The following LYG1 variants were observed in gnomAD, a reference collection of about 807,000 sequenced individuals.
LYG1 encodes the protein lysozyme g1, also known as lysozyme g-like protein 1.
A neutral mutation model predicts 21.7 loss-of-function variants in LYG1; 17 were observed. The ratio of observed to expected loss-of-function variants is 0.78; its 90% confidence interval spans 0.54 to 1.18. The LOEUF (loss-of-function observed/expected upper bound fraction) is 1.18, where lower values mean the gene tolerates loss of function less well. Among genes scored for constraint, LYG1 ranks in the 50% most tolerant of loss-of-function variants. The pLI is 0.00. For missense variants in LYG1, 211 were observed against 238.1 expected, an observed-to-expected ratio of 0.89 and a Z score of 0.75; for synonymous variants, 81 against 87.4, an observed-to-expected ratio of 0.93 and a Z score of 0.41.
chr2:99,303,671 G>A (rs1255160365), upstream of LYG1, among the ~76,000 whole-genome samples: 1 of 152,206 alleles, frequency 6.6e-6, no homozygotes, highest in Non-Finnish European at 1.5e-5. Context: ...CTTCACAGAA[G>A]ACCAGAAGAG....
chr2:99,288,792 A>G (rs1359931818), intron 5 of LYG1, among the ~76,000 whole-genome samples: 1 of 151,808 alleles, frequency 6.6e-6, no homozygotes. Flanking sequence ...CTGGTTTCAA[A>G]CTCCTGACCT....
At chr2:99,300,370 C>T (rs926005357) in intron 1 of LYG1, among the ~76,000 whole-genome samples, 2 of 152,078 alleles carry the variant, frequency 1.3e-5, no homozygotes, top group African/African-American at 4.8e-5. Flanking sequence ...TTCCCATTTG[C>T]GTTTTTGAGA....
chr2:99,302,485 C>T (rs1221013983), upstream of LYG1, among the ~76,000 whole-genome samples: 3 of 152,166 alleles, frequency 2.0e-5, no homozygotes, highest in Non-Finnish European at 2.9e-5. Context: ...CCAGGTTAGA[C>T]GTGTGTTCCT....
At chr2:99,295,859 G>A (rs1032233952) in intron 2 of LYG1, among the ~76,000 whole-genome samples, 157 bp from the exon 3 acceptor site, 1 of 151,562 alleles carries the variant, frequency 6.6e-6, no homozygotes, top group Non-Finnish European at 1.5e-5. Flanking sequence ...AAAAGCAAAA[G>A]TAGGACAAGT....
chr2:99,291,246 G>A lies in LYG1; in HGVS notation c.324C>T (p.Ser108=). 6.2e-7 allele frequency: 1 copy of A among 1,614,092 alleles called. No homozygotes were observed. Among genetic ancestry groups the A allele is most frequent in the Non-Finnish European group, 8.5e-7 (1 of 1,179,992 alleles). ...ACGGATGAAGAGTTACCTGCACCAT[G>A]CTAGTCCTATCGCCCATGTTGACCA... ...KILVNMGDRT[S]MVQDPGSQAP... is the part of the protein sequence containing the mutation. The change falls in exon 5 of 7, where the codon AGC becomes AGT. Residue 108 remains serine, a synonymous_variant. Coordinates refer to ENST00000308528, the MANE Select transcript of LYG1 (RefSeq NM_174898.3).
At chr2:99,287,403 A>C (rs1346832034) in intron 5 of LYG1, among the ~76,000 whole-genome samples, 1 of 152,160 alleles carries the variant, frequency 6.6e-6, no homozygotes, top group Non-Finnish European at 1.5e-5. Context: ...GAGGGAGAGG[A>C]TCAGGAAAAA....
intron 2 of LYG1, among the ~76,000 whole-genome samples, chr2:99,296,213 C>T (rs1175327787): frequency 6.6e-6 from 1 of 152,184 alleles, no homozygotes; most frequent in Non-Finnish European, 1.5e-5. Flanking sequence ...ACGTTTCCCA[C>T]TGCTCTAACC....
chr2:99,304,501 T>C (rs1233095480), upstream of LYG1: 1 of 152,518 alleles, frequency 6.6e-6, no homozygotes, highest in Non-Finnish European at 1.5e-5. Context: ...AAAGGAAAGA[T>C]ATTACAGATC....
chr2:99,295,499 G>C, intron 3 of LYG1, 129 bp downstream of exon 3: 1 of 1,152,944 alleles, frequency 8.7e-7, no homozygotes, highest in Non-Finnish European at 1.3e-6. Context: ...CCTAACTCCA[G>C]GATTTGTTGG....
intron 5 of LYG1, among the ~76,000 whole-genome samples, chr2:99,287,740 A>G (rs2094105014): frequency 1.3e-5 from 2 of 152,004 alleles, no homozygotes; most frequent in South Asian, 2.1e-4. Context: ...TTAAATTTCC[A>G]TATGATCAGA....
chr2:99,294,846 G>C (rs1447146895), intron 3 of LYG1, among the ~76,000 whole-genome samples: 1 of 152,090 alleles, frequency 6.6e-6, no homozygotes, highest in African/African-American at 2.4e-5. Context: ...GGGCGCAGTG[G>C]ATCACCCTGT....
At chr2:99,290,221 G>A (rs1311843938) in intron 5 of LYG1, among the ~76,000 whole-genome samples, 2 of 152,170 alleles carry the variant, frequency 1.3e-5, no homozygotes, top group Non-Finnish European at 2.9e-5. Flanking sequence ...TCAAAAGCCA[G>A]ATTTTACAAA....
At position 99,284,673 on chromosome 2, in the gene LYG1, T is replaced by C. The variant is rs921056350; in HGVS notation, c.466+15A>G. The C allele has an allele frequency of 1.2e-6, 2 of 1,611,086 alleles. No homozygotes were observed. The highest frequency in any genetic ancestry group is 1.7e-6 in the Non-Finnish European group (2 of 1,177,700). ...TTCTGTGCTTGAGACAACTGACTGA[T>C]AGCGTTACACGTACCTCTCAGGTAC... is the stretch of plus-strand genomic sequence containing the variant. On this transcript the variant is annotated intron_variant, in intron 6 of 6. Transcript: ENST00000308528.
chr2:99,293,145 C>T lies in LYG1; in HGVS notation c.44-505G>A, dbSNP rs1188690354. Among the ~76,000 whole-genome samples, 3 of 152,026 alleles carry T rather than the reference C, an allele frequency of 2.0e-5. No homozygotes were observed. In the East Asian group the frequency reaches 5.8e-4, roughly 29 times the overall value. On this transcript the variant is annotated intron_variant, in intron 3 of 6. Transcript: ENST00000308528. ...TAGCTGGGATTACAGGTGCATGCCACCACGCCCAGCTAATTTTTGTATTTT... is the reference window on the plus strand; with the variant it reads ...TAGCTGGGATTACAGGTGCATGCCATCACGCCCAGCTAATTTTTGTATTTT...
chr2:99,294,394 G>A (rs962363044), intron 3 of LYG1, among the ~76,000 whole-genome samples: 2 of 152,196 alleles, frequency 1.3e-5, no homozygotes, highest in African/African-American at 2.4e-5. Context: ...ATAAATACTC[G>A]TCTTTTGGAG....
upstream of LYG1, among the ~76,000 whole-genome samples, chr2:99,303,768 C>T (rs1007132872): frequency 2.6e-5 from 4 of 152,246 alleles, no homozygotes; most frequent in African/African-American, 9.6e-5. Context: ...TCCATAATTC[C>T]CTTGCATTGT....
chr2:99,293,755 G>C (rs1039760205), intron 3 of LYG1, among the ~76,000 whole-genome samples: 9 of 152,106 alleles, frequency 5.9e-5, no homozygotes, highest in African/African-American at 2.2e-4. Context: ...ATTCACACAA[G>C]GTGGGTACAC....
rs74713361 is a variant in LYG1, at chr2:99,298,704, G to A, written c.-123-155C>T. On this transcript the variant is annotated intron_variant, in intron 1 of 6. Transcript: ENST00000308528. Reference sequence around the variant, plus strand: ...AAATGTGACGTATTAACACCTCAACGTGCCCAATGAAGGTGCCCCTGCCCC... The same window carrying A: ...AAATGTGACGTATTAACACCTCAACATGCCCAATGAAGGTGCCCCTGCCCC... Among the ~76,000 whole-genome samples the A allele has an allele frequency of 3.2e-4, 48 of 152,056 alleles. 1 individual carries two copies. The East Asian group carries it at 7.2e-3, about 23-fold the overall frequency.
intron 5 of LYG1, among the ~76,000 whole-genome samples, chr2:99,290,250 C>A (rs144220112): frequency 6.6e-6 from 1 of 152,182 alleles, no homozygotes; most frequent in Non-Finnish European, 1.5e-5. Flanking sequence ...AACAGCGCAG[C>A]AGAAATGATG....
Sources: gnomAD v4.1 joint callset for allele counts (sites outside exome capture counted in the v4.1 genomes callset) on GRCh38, gnomAD v4.1.1 for gene constraint, MANE v1.5 for transcripts, NCBI Gene and HGNC (gene_info 2026-07-23, HGNC 2026-07-21) for gene names.